The following CHL1 variants were observed in gnomAD, a reference collection of about 807,000 sequenced individuals.
CHL1 encodes cell adhesion molecule L1 like, also known as neural cell adhesion molecule L1-like protein.
CHL1 carries 96 observed loss-of-function variants against 141.9 expected under a neutral mutation model. The observed-to-expected ratio is 0.68, with a 90% CI of 0.57 to 0.80. CHL1 has a LOEUF of 0.80. Ranked by LOEUF, CHL1 falls within the 30% of genes least tolerant of loss-of-function variation. The probability of loss-of-function intolerance (pLI) is 0.00; values close to 1 mark genes in which losing one functional copy is unlikely to be tolerated. For synonymous variants in CHL1, 613 were observed against 502.2 expected (o/e 1.22, Z -2.95); for missense variants, 1,820 against 1,457.2 (o/e 1.25, Z -4.05).
chr3:403,035 G>C (rs923607675), intron 27 of CHL1, among the ~76,000 whole-genome samples: 2 of 152,176 alleles, frequency 1.3e-5, no homozygotes, highest in African/African-American at 2.4e-5. Context: ...GTTTTGACCA[G>C]GGCTATGGTT....
chr3:408,605 C>T lies in CHL1; in HGVS notation c.*2894C>T, dbSNP rs1358193204. On this transcript the variant is annotated 3_prime_UTR_variant, in exon 28 of 28. Coordinates refer to ENST00000256509, the MANE Select transcript of CHL1 (RefSeq NM_006614.4). ...TAACTAATTATGTATCTGAAAGTCACCCCCACATACCAACTCAACTTTTTT... is the reference window on the plus strand; with the variant it reads ...TAACTAATTATGTATCTGAAAGTCATCCCCACATACCAACTCAACTTTTTT... 4.6e-5 allele frequency: 7 copies of T among 152,170 alleles called. No homozygotes were observed. In the South Asian group the frequency reaches 1.5e-3, roughly 32 times the overall value. 9.4% of individuals were successfully genotyped at this position (152,170 alleles called of 1,614,324 possible). A position where few individuals can be genotyped will look rare whatever the true frequency, so the allele number is the denominator to read the frequency against.
chr3:310,458 A>C (rs1467660306), intron 2 of CHL1, among the ~76,000 whole-genome samples: 1 of 152,166 alleles, frequency 6.6e-6, no homozygotes, highest in Non-Finnish European at 1.5e-5. Context: ...AAAAGAATTA[A>C]GAGGATGTTC....
At chr3:400,422 T>G (rs1160203541) in intron 26 of CHL1, among the ~76,000 whole-genome samples, 1 of 152,128 alleles carries the variant, frequency 6.6e-6, no homozygotes, top group Admixed American at 6.5e-5. Context: ...AGATAATCAT[T>G]TGTGTATTGT....
At chr3:394,898 A>C in intron 24 of CHL1, 26 bp downstream of exon 24, 1 of 1,549,888 alleles carries the variant, frequency 6.5e-7, no homozygotes. Context: ...TTCTCTTTTT[A>C]ATAGAGGCTT....
Position 360,289 on chromosome 3 carries a change from C to G in CHL1, c.1171C>G (p.Pro391Ala), listed in dbSNP as rs928087935. 3.1e-6 allele frequency: 5 copies of G among 1,613,564 alleles called. No homozygotes were observed. In the African/African-American group the frequency reaches 6.7e-5, roughly 22 times the overall value. The change falls in exon 12 of 28, where the codon CCA becomes GCA. Residue 391 changes from proline (P) to alanine (A), a missense_variant. By Grantham distance (27) the Pro-to-Ala change is conservative. Transcript: ENST00000256509. The stretch of plus-strand genomic sequence containing the variant: ...CATTCTTTAATCTCTTTCAGATCAT[C>G]CATTTGCTGGTGATGTTGTCTTCCC... The part of the protein sequence containing the change: ...RVNGSPVDNH[P>A]FAGDVVFPRE...
intron 2 of CHL1, among the ~76,000 whole-genome samples, chr3:301,815 T>C (rs1698764265): frequency 2.0e-5 from 3 of 152,204 alleles, no homozygotes; most frequent in Admixed American, 6.5e-5. Context: ...TTTTGATATA[T>C]AGGAATACAC....
intron 2 of CHL1, among the ~76,000 whole-genome samples, chr3:272,830 A>G (rs558236005): frequency 6.6e-6 from 1 of 152,294 alleles, no homozygotes; most frequent in East Asian, 1.9e-4. Context: ...CTGAACTCCC[A>G]TATTTGCCAG....
intron 25 of CHL1, among the ~76,000 whole-genome samples, chr3:398,795 G>A (rs1337835512): frequency 4.0e-5 from 6 of 151,688 alleles, no homozygotes; most frequent in Non-Finnish European, 7.4e-5. Context: ...TTTCATCCTC[G>A]GAATCAAACA....
intron 2 of CHL1, among the ~76,000 whole-genome samples, chr3:268,134 T>C (rs1188712727): frequency 6.6e-6 from 1 of 152,336 alleles, no homozygotes; most frequent in East Asian, 1.9e-4. Context: ...AAAATGAAAG[T>C]AGATTTCTAA....
At chr3:208,015 A>T (rs1699587706) in intron 1 of CHL1, among the ~76,000 whole-genome samples, 2 of 152,246 alleles carry the variant, frequency 1.3e-5, no homozygotes, top group South Asian at 4.1e-4. Flanking sequence ...CATCAGAATG[A>T]ATGCCATCCA....
rs112160667 is a variant in CHL1, at chr3:394,590, T to A, written c.2915-103T>A. On this transcript the variant is annotated intron_variant, in intron 23 of 27. Coordinates refer to ENST00000256509, the MANE Select transcript of CHL1 (RefSeq NM_006614.4). The stretch of plus-strand genomic sequence containing the variant: ...TGAGTTGATGGTTATGAATCATTAA[T>A]GTATCTTTACGTACCACAAGCATAA... 4.0e-3 allele frequency: 3,152 copies of A among 784,126 alleles called. 57 individuals carry two copies. In the African/African-American group the frequency reaches 0.049, roughly 12 times the overall value. 48.6% of individuals were successfully genotyped at this position (784,126 alleles called of 1,614,324 possible).
chr3:205,169 G>T (rs1186933090), intron 1 of CHL1, among the ~76,000 whole-genome samples: 3 of 147,038 alleles, frequency 2.0e-5, no homozygotes, highest in Non-Finnish European at 3.0e-5. Flanking sequence ...GGAGTACAGT[G>T]GTATGGTCAT....
chr3:398,016 G>A (rs545066595), intron 24 of CHL1, among the ~76,000 whole-genome samples: 11 of 152,160 alleles, frequency 7.2e-5, no homozygotes, highest in African/African-American at 2.4e-4. Flanking sequence ...ATCTTAAATG[G>A]CCATGCATTG....
intron 2 of CHL1, among the ~76,000 whole-genome samples, chr3:295,585 A>T (rs1012732385): frequency 4.6e-5 from 7 of 152,164 alleles, no homozygotes; most frequent in African/African-American, 1.7e-4. Context: ...GTTCTTAGTC[A>T]TCCATCTCTG....
rs908653858 is a variant in CHL1, at chr3:406,488, A to G, written c.*777A>G. Reference sequence around the variant, plus strand: ...ATACGAGAACAGGCAGAAAGTGCCCATTGTTCAGGATTCTAATAGCTACAT... The same window carrying G: ...ATACGAGAACAGGCAGAAAGTGCCCGTTGTTCAGGATTCTAATAGCTACAT... On this transcript the variant is annotated 3_prime_UTR_variant, in exon 28 of 28. Coordinates refer to ENST00000256509, the MANE Select transcript of CHL1 (RefSeq NM_006614.4). 2.6e-5 allele frequency: 4 copies of G among 151,598 alleles called. No homozygotes were observed. The highest frequency in any genetic ancestry group is 9.7e-5 in the African/African-American group (4 of 41,228). The allele number at this position is 151,598 out of a possible 1,614,324, so 9.4% of individuals were successfully genotyped here.
intron 5 of CHL1, among the ~76,000 whole-genome samples, chr3:337,817 G>A (rs1277793572): frequency 3.9e-5 from 6 of 152,242 alleles, no homozygotes; most frequent in South Asian, 4.1e-4. Context: ...ATTGTGAATA[G>A]TGACACAATA....
intron 1 of CHL1, chr3:213,807 T>A (rs1186797923): frequency 6.6e-6 from 1 of 152,150 alleles, no homozygotes; most frequent in Non-Finnish European, 1.5e-5. Context: ...GCAAAATAAG[T>A]GTTCAAGCCC....
chr3:255,153 A>T (rs570902662), intron 2 of CHL1, among the ~76,000 whole-genome samples: 6 of 152,304 alleles, frequency 3.9e-5, no homozygotes, highest in African/African-American at 1.4e-4. Flanking sequence ...TAACCTGCTC[A>T]CTGGTTTCCT....
At chr3:393,015 C>T (rs189573031) in intron 23 of CHL1, among the ~76,000 whole-genome samples, 164 of 152,046 alleles carry the variant, frequency 1.1e-3, no homozygotes, top group African/African-American at 3.5e-3. Context: ...TGGTGGATCA[C>T]GAGGTCAGGA....
Sources: gnomAD v4.1 joint callset for allele counts (sites outside exome capture counted in the v4.1 genomes callset) on GRCh38, gnomAD v4.1.1 for gene constraint, MANE v1.5 for transcripts, NCBI Gene and HGNC (gene_info 2026-07-23, HGNC 2026-07-21) for gene names.